Variants in PKIB observed in about 807,000 individuals in gnomAD.
The protein encoded by PKIB is PKI-beta.
Under a neutral mutation model 4.5 loss-of-function variants are expected in PKIB, and 2 were observed. That is an observed-to-expected ratio of 0.44 (90% CI 0.18 to 1.39). The LOEUF is 1.39. PKIB is among the 40% of genes most tolerant of loss of function. PKIB has a pLI of 0.27. For synonymous variants in PKIB, 38 were observed against 36.0 expected (o/e 1.06, Z -0.20); for missense variants, 94 against 92.6 (o/e 1.02, Z -0.06).
intron 2 of PKIB, among the ~76,000 whole-genome samples, chr6:122,635,687 G>A (rs186511982): frequency 5.5e-4 from 83 of 151,932 alleles, no homozygotes; most frequent in Non-Finnish European, 9.3e-4. Context: ...AAGTGGTTTA[G>A]TATCAGGAAA....
intron 2 of PKIB, among the ~76,000 whole-genome samples, chr6:122,532,510 G>C (rs1777288738): frequency 6.6e-6 from 1 of 152,104 alleles, no homozygotes; most frequent in Non-Finnish European, 1.5e-5. Flanking sequence ...ACTCATTAAA[G>C]AGTAACTCCT....
chr6:122,538,495 G>A (rs1281314633), intron 2 of PKIB, among the ~76,000 whole-genome samples: 5 of 152,104 alleles, frequency 3.3e-5, no homozygotes, highest in African/African-American at 4.8e-5. Flanking sequence ...TTGTAGATAC[G>A]TGGCATTATT....
At chr6:122,580,114 A>C (rs1773661585) in intron 2 of PKIB, among the ~76,000 whole-genome samples, 1 of 152,140 alleles carries the variant, frequency 6.6e-6, no homozygotes, top group African/African-American at 2.4e-5. Context: ...TGCTAGTTTG[A>C]TATATAAAAG....
In PKIB at chr6:122,650,279, T is replaced by C. The variant is rs1428580502; in HGVS notation, c.-76+16912T>C. 3.9e-5 allele frequency among the ~76,000 whole-genome samples: 6 copies of C among 152,080 alleles called. No homozygotes were observed. The East Asian group carries it at 5.8e-4, about 15-fold the overall frequency. On this transcript the variant is annotated intron_variant, in intron 2 of 4. Transcript: ENST00000368452. Reference sequence around the variant, plus strand: ...AGTAAATGAGATGTGATGGGAATCATCACCCCTGCATCCTTCAAGCCCTTA... The same window carrying C: ...AGTAAATGAGATGTGATGGGAATCACCACCCCTGCATCCTTCAAGCCCTTA...
In PKIB at chr6:122,537,683, G is replaced by C. The variant is rs564468376; in HGVS notation, c.-247-48238G>C. 2.6e-5 allele frequency among the ~76,000 whole-genome samples: 4 copies of C among 152,152 alleles called. No homozygotes were observed. In the South Asian group the frequency reaches 8.3e-4, roughly 32 times the overall value. ...TAGCAGCATGATTTATAATCCTTTG[G>C]GTATATACCCGTAAGGGGATGGCTG... On this transcript the variant is annotated intron_variant, in intron 2 of 6. Transcript: ENST00000392491.
chr6:122,540,174 AT>A (rs1204048958), intron 2 of PKIB, among the ~76,000 whole-genome samples: 6 of 151,698 alleles, frequency 4.0e-5, no homozygotes, highest in Non-Finnish European at 7.4e-5. Context: ...TTGTGTCTCT[AT>A]TTCCTTCAGT....
chr6:122,717,758 T>G (rs370529874), intron 3 of PKIB, 29 bp from the exon 4 acceptor site: 2 of 1,608,564 alleles, frequency 1.2e-6, no homozygotes, highest in East Asian at 4.5e-5. Context: ...AATAGGCTCA[T>G]CTTCTTCATA....
intron 2 of PKIB, among the ~76,000 whole-genome samples, chr6:122,570,811 C>A (rs529767110): frequency 5.9e-5 from 9 of 152,006 alleles, no homozygotes; most frequent in Non-Finnish European, 1.2e-4. Context: ...TGAAAAGGAA[C>A]CAGAAAAGTA....
At chr6:122,655,579 A>G (rs1776741341) in intron 2 of PKIB, among the ~76,000 whole-genome samples, 1 of 152,176 alleles carries the variant, frequency 6.6e-6, no homozygotes, top group Non-Finnish European at 1.5e-5. Flanking sequence ...TGTTGTTTAT[A>G]AGCTGCCCAC....
At chr6:122,632,304 AG>A (rs1193287586) in intron 1 of PKIB, among the ~76,000 whole-genome samples, 3 of 152,238 alleles carry the variant, frequency 2.0e-5, no homozygotes, top group African/African-American at 4.8e-5. Context: ...ATACAAGCAG[AG>A]GAATGTTGAC....
At chr6:122,656,346 C>T (rs1407022788) in intron 2 of PKIB, among the ~76,000 whole-genome samples, 4 of 152,074 alleles carry the variant, frequency 2.6e-5, no homozygotes, top group Non-Finnish European at 5.9e-5. Flanking sequence ...CACACTAAGA[C>T]TTTAAGCATA....
At chr6:122,636,752 G>A (rs1456846053) in intron 2 of PKIB, among the ~76,000 whole-genome samples, 1 of 152,010 alleles carries the variant, frequency 6.6e-6, no homozygotes, top group Admixed American at 6.6e-5. Context: ...GTCTGGAAAA[G>A]GCATATTTTT....
chr6:122,474,482 A>G (rs1775401644), intron 1 of PKIB, among the ~76,000 whole-genome samples: 1 of 152,238 alleles, frequency 6.6e-6, no homozygotes, highest in East Asian at 1.9e-4. Flanking sequence ...GATGGACTTC[A>G]TAGCCTTCTG....
intron 2 of PKIB, among the ~76,000 whole-genome samples, chr6:122,543,162 G>A (rs935674492): frequency 2.6e-5 from 4 of 151,490 alleles, no homozygotes; most frequent in Admixed American, 6.6e-5. Flanking sequence ...CCCCTTGCGC[G>A]TCCCGAGTGA....
At chr6:122,598,766 T>C (rs1199688637) in intron 3 of PKIB, among the ~76,000 whole-genome samples, 1 of 152,150 alleles carries the variant, frequency 6.6e-6, no homozygotes, top group African/African-American at 2.4e-5. Flanking sequence ...CATCATTTAA[T>C]CCATATTTCA....
chr6:122,554,738 A>T (rs2114661777), intron 2 of PKIB, among the ~76,000 whole-genome samples: 1 of 152,284 alleles, frequency 6.6e-6, no homozygotes, highest in East Asian at 1.9e-4. Context: ...AAACAGGTCA[A>T]TTCTTTTCTT....
At chr6:122,494,174 A>G (rs539852826) in intron 2 of PKIB, among the ~76,000 whole-genome samples, 32 of 152,302 alleles carry the variant, frequency 2.1e-4, no homozygotes, top group African/African-American at 7.2e-4. Flanking sequence ...ATTAAATCCA[A>G]ACACCAAAAG....
chr6:122,725,242 C>A lies in PKIB; in HGVS notation c.*47C>A. On this transcript the variant is annotated 3_prime_UTR_variant, in exon 5 of 5. Coordinates refer to ENST00000368452, the MANE Select transcript of PKIB (RefSeq NM_181795.3). ...TGCTGAATTTCTGCATGTTGAAAGA[C>A]TTAGTGGTTCTGTTTTCTTGAGACA... The A allele has an allele frequency of 6.8e-7, 1 of 1,466,304 alleles. No homozygotes were observed. The highest frequency in any genetic ancestry group is 9.4e-7 in the Non-Finnish European group (1 of 1,064,370). 90.8% of individuals were successfully genotyped at this position (1,466,304 alleles called of 1,614,324 possible).
intron 2 of PKIB, among the ~76,000 whole-genome samples, chr6:122,498,661 C>G (rs148871304): frequency 4.6e-5 from 7 of 152,104 alleles, no homozygotes; most frequent in Non-Finnish European, 8.8e-5. Flanking sequence ...TCTAGACAAA[C>G]TAGAAAAACA....
Sources: gnomAD v4.1 joint callset for allele counts (sites outside exome capture counted in the v4.1 genomes callset) on GRCh38, gnomAD v4.1.1 for gene constraint, MANE v1.5 for transcripts, NCBI Gene and HGNC (gene_info 2026-07-23, HGNC 2026-07-21) for gene names.